The following INTS3 variants were observed in gnomAD, a reference collection of about 807,000 sequenced individuals.
The protein encoded by INTS3 is SOSS complex subunit A.
A neutral mutation model predicts 146.3 loss-of-function variants in INTS3; 34 were observed. The observed-to-expected ratio is 0.23, with a 90% CI of 0.18 to 0.31. The LOEUF (loss-of-function observed/expected upper bound fraction) is 0.31, where lower values mean the gene tolerates loss of function less well. INTS3 is among the 10% of genes least tolerant of loss of function. INTS3 has a pLI of 1.00. For synonymous variants in INTS3, 475 were observed against 494.9 expected (o/e 0.96, Z 0.53); for missense variants, 757 against 1,304.2 (o/e 0.58, Z 6.46).
In INTS3 at chr1:153,773,735, C is replaced by T. The variant is rs979360638; in HGVS notation, c.*465C>T. The T allele has an allele frequency of 7.3e-5, 14 of 192,768 alleles. No homozygotes were observed. The highest frequency in any genetic ancestry group is 4.3e-4 in the Admixed American group (8 of 18,602). 11.9% of individuals were successfully genotyped at this position (192,768 alleles called of 1,614,324 possible). A position where few individuals can be genotyped will look rare whatever the true frequency, so the allele number is the denominator to read the frequency against. ...CAGGTCTTGGTTTGTTCTGAAGGGA[C>T]GTTTTATAGTCACTATCCACATGCC... On this transcript the variant is annotated 3_prime_UTR_variant, in exon 30 of 30. Coordinates refer to ENST00000318967, the MANE Select transcript of INTS3 (RefSeq NM_023015.5).
chr1:153,755,311 T>C (rs766242613), intron 9 of INTS3, among the ~76,000 whole-genome samples: 2 of 152,078 alleles, frequency 1.3e-5, no homozygotes, highest in Admixed American at 6.5e-5. Context: ...TTGCCCAGGC[T>C]AGAGTGCAGT....
intron 1 of INTS3, among the ~76,000 whole-genome samples, chr1:153,737,902 T>C (rs1671364742): frequency 6.6e-6 from 1 of 152,164 alleles, no homozygotes. Context: ...ATTTCAAATA[T>C]AAAAAAGTAG....
intron 2 of INTS3, 117 bp from the exon 3 acceptor site, chr1:153,741,168 G>A: frequency 1.3e-6 from 1 of 770,276 alleles, no homozygotes; most frequent in Non-Finnish European, 2.3e-6. Flanking sequence ...AGATTTAAAA[G>A]TTGATTATTC....
chr1:153,744,839 A>G (rs1318196002), intron 3 of INTS3, among the ~76,000 whole-genome samples: 1 of 152,138 alleles, frequency 6.6e-6, no homozygotes, highest in Non-Finnish European at 1.5e-5. Flanking sequence ...AACTATTACA[A>G]ACTCATACCG....
intron 1 of INTS3, among the ~76,000 whole-genome samples, chr1:153,738,339 GTCC>G (rs1253974181): frequency 6.6e-6 from 1 of 152,048 alleles, no homozygotes; most frequent in African/African-American, 2.4e-5. Context: ...GGCTCAAGCA[GTCC>G]TCCTGCCTCC....
At chr1:153,764,000 G>A in intron 17 of INTS3, 114 bp downstream of exon 17, 2 of 1,275,654 alleles carry the variant, frequency 1.6e-6, no homozygotes, top group South Asian at 2.4e-5. Flanking sequence ...CTCTTATAGT[G>A]GGGAGGGGAG....
chr1:153,732,504 G>T (rs1671109172), intron 1 of INTS3, among the ~76,000 whole-genome samples: 1 of 151,050 alleles, frequency 6.6e-6, no homozygotes, highest in African/African-American at 2.4e-5. Flanking sequence ...GTAGTGCAAT[G>T]GCGTGATCTC....
At position 153,758,530 on chromosome 1, in the gene INTS3, G is replaced by A. The variant is rs547730517; in HGVS notation, c.1149+767G>A. On this transcript the variant is annotated intron_variant, in intron 10 of 29. Transcript: ENST00000318967. ...GATGTATCAAGAACCCAGGCCTGCC[G>A]AGCACGGTGGCTCACGCCTGTAATC... is the stretch of plus-strand genomic sequence containing the variant. Among the ~76,000 whole-genome samples the A allele has an allele frequency of 4.6e-5, 7 of 152,074 alleles. No homozygotes were observed. The South Asian group carries it at 6.2e-4, about 14-fold the overall frequency.
At chr1:153,747,998 G>A (rs1209126884) in intron 5 of INTS3, 2 of 157,024 alleles carry the variant, frequency 1.3e-5, no homozygotes, top group African/African-American at 4.8e-5. Flanking sequence ...AAAATTTTAT[G>A]TAACACTGAT....
Position 153,761,591 on chromosome 1 carries a change from C to T in INTS3, c.1431C>T (p.Asp477=). Residue 477 remains aspartate (D), a synonymous_variant, in exon 14 of 30, where the codon GAC becomes GAT. Coordinates refer to ENST00000318967, the MANE Select transcript of INTS3 (RefSeq NM_023015.5). The stretch of plus-strand genomic sequence containing the variant: ...TTAGACACCTAGCTCCCCTGTTTGA[C>T]AACCCTAAGTTGGATAAGGAGCTGC... The part of the protein sequence containing the change: ...RVLAHLAPLF[D]NPKLDKELRA... 2 of 1,613,850 alleles carry T rather than the reference C, an allele frequency of 1.2e-6. No individual in the cohort carries two copies. The highest frequency in any genetic ancestry group is 1.7e-6 in the Non-Finnish European group (2 of 1,179,714).
At chr1:153,740,530 G>T in intron 1 of INTS3, 121 bp from the exon 2 acceptor site, 1 of 733,790 alleles carries the variant, frequency 1.4e-6, no homozygotes, top group Non-Finnish European at 2.4e-6. Context: ...GACTTTATAA[G>T]TAAACTGGCA....
At chr1:153,771,439 C>T (rs1482373685) in intron 25 of INTS3, among the ~76,000 whole-genome samples, 1 of 151,834 alleles carries the variant, frequency 6.6e-6, no homozygotes, top group African/African-American at 2.4e-5. Context: ...CAGGTTGGCC[C>T]ACAGCTTTAG....
intron 3 of INTS3, among the ~76,000 whole-genome samples, chr1:153,745,078 A>G (rs1671675096): frequency 6.6e-6 from 1 of 150,992 alleles, no homozygotes; most frequent in Admixed American, 6.6e-5. Context: ...ATGCAGTAAT[A>G]TATACATATA....
chr1:153,769,478 A>G (rs1672728816), intron 22 of INTS3, among the ~76,000 whole-genome samples: 1 of 152,076 alleles, frequency 6.6e-6, no homozygotes, highest in Admixed American at 6.5e-5. Flanking sequence ...ACCTACATCC[A>G]GAGCCCAGCC....
At chr1:153,742,507 T>TGTGTGTGTGTGTGCGC (rs1297466558) in intron 3 of INTS3, among the ~76,000 whole-genome samples, 5 of 144,834 alleles carry the variant, frequency 3.5e-5, no homozygotes, top group African/African-American at 1.2e-4. Flanking sequence ...TGTGTGTGTG[T>TGTGTGTGTGTGTGCGC]GCGTGCGCAT....
intron 10 of INTS3, among the ~76,000 whole-genome samples, chr1:153,759,299 G>T (rs537629281): frequency 6.6e-6 from 1 of 152,116 alleles, no homozygotes; most frequent in Admixed American, 6.5e-5. Flanking sequence ...AGGTTCGGGG[G>T]GTACCTGGCC....
chr1:153,754,917 C>A (rs1051837154), intron 9 of INTS3, among the ~76,000 whole-genome samples, 178 bp downstream of exon 9: 2 of 152,182 alleles, frequency 1.3e-5, no homozygotes, highest in African/African-American at 2.4e-5. Flanking sequence ...ACATATTGAG[C>A]ATGGTGCTAA....
intron 1 of INTS3, among the ~76,000 whole-genome samples, chr1:153,731,738 A>G (rs1478532131): frequency 7.2e-6 from 1 of 139,244 alleles, no homozygotes; most frequent in African/African-American, 2.7e-5. Context: ...GGCGCCTGCC[A>G]CCACGCCCGG....
intron 10 of INTS3, among the ~76,000 whole-genome samples, 199 bp from the exon 11 acceptor site, chr1:153,759,327 C>A (rs549513326): frequency 9.9e-5 from 15 of 151,930 alleles, no homozygotes; most frequent in Non-Finnish European, 1.9e-4. Flanking sequence ...TGTCCTCTGT[C>A]CTCTTGGTTA....
Sources: allele counts gnomAD v4.1 joint callset (sites outside exome capture counted in the v4.1 genomes callset), GRCh38; gene constraint gnomAD v4.1.1; transcripts MANE v1.5; gene names NCBI Gene and HGNC (gene_info 2026-07-23, HGNC 2026-07-21).